CCSER1: variants seen among roughly 807,000 people sequenced by gnomAD.
CCSER1 encodes coiled-coil serine rich protein 1, also known as serine-rich coiled-coil domain-containing protein 1.
Under a neutral mutation model 82.0 loss-of-function variants are expected in CCSER1, and 41 were observed. The ratio of observed to expected loss-of-function variants is 0.50; its 90% CI spans 0.39 to 0.65. The LOEUF (loss-of-function observed/expected upper bound fraction) is 0.65, where lower values mean the gene tolerates loss of function less well. Among genes scored for constraint, CCSER1 ranks in the 30% least tolerant of loss-of-function variants. The pLI, the probability that CCSER1 is intolerant of heterozygous loss-of-function variation, is 0.00. For synonymous variants in CCSER1, 414 were observed against 383.9 expected, an observed-to-expected ratio of 1.08 and a Z score of -0.92; for missense variants, 1,119 against 1,064.2, an observed-to-expected ratio of 1.05 and a Z score of -0.72.
chr4:90,682,155 T>C (rs559104314), intron 6 of CCSER1, among the ~76,000 whole-genome samples: 18 of 152,084 alleles, frequency 1.2e-4, no homozygotes, highest in African/African-American at 4.3e-4. Flanking sequence ...AGGTAAATCA[T>C]CTTGGAGAGT....
chr4:90,786,203 A>C (rs954790411), intron 7 of CCSER1, among the ~76,000 whole-genome samples: 1 of 152,214 alleles, frequency 6.6e-6, no homozygotes, highest in Non-Finnish European at 1.5e-5. Context: ...TGGAAGCGCA[A>C]CTGAAGTGAT....
intron 5 of CCSER1, among the ~76,000 whole-genome samples, chr4:90,611,164 G>A (rs1371501944): frequency 7.1e-6 from 1 of 140,498 alleles, no homozygotes; most frequent in East Asian, 2.1e-4. Context: ...CTCCCAAATT[G>A]CTGGAATTAC....
At chr4:91,226,872 A>G (rs1419113377) in intron 10 of CCSER1, among the ~76,000 whole-genome samples, 1 of 151,856 alleles carries the variant, frequency 6.6e-6, no homozygotes. Flanking sequence ...TATCACTTCA[A>G]TAGTTACTAG....
At chr4:91,423,264 T>TAAAAAAAA (rs143322815) in intron 10 of CCSER1, among the ~76,000 whole-genome samples, 1 of 138,360 alleles carries the variant, frequency 7.2e-6, no homozygotes, top group African/African-American at 2.6e-5. Flanking sequence ...CGTCTCTACT[T>TAAAAAAAA]AAAAAAAAAA....
chr4:90,476,511 A>G (rs1765132633), intron 5 of CCSER1, among the ~76,000 whole-genome samples: 1 of 152,032 alleles, frequency 6.6e-6, no homozygotes, highest in African/African-American at 2.4e-5. Flanking sequence ...TATTACTGGT[A>G]CCTTGTGAAA....
intron 9 of CCSER1, among the ~76,000 whole-genome samples, chr4:90,935,955 G>A (rs1473265461): frequency 6.6e-6 from 1 of 151,718 alleles, no homozygotes; most frequent in Non-Finnish European, 1.5e-5. Flanking sequence ...CCTTATTTTT[G>A]TTTATCTCTT....
chr4:91,085,578 G>A (rs550916340), intron 9 of CCSER1, among the ~76,000 whole-genome samples: 6 of 152,170 alleles, frequency 3.9e-5, no homozygotes, highest in African/African-American at 9.6e-5. Context: ...TTGTTTGGGC[G>A]CTGAGATCTG....
intron 10 of CCSER1, among the ~76,000 whole-genome samples, chr4:91,495,100 C>T (rs1195716649): frequency 3.3e-5 from 5 of 151,222 alleles, no homozygotes; most frequent in Non-Finnish European, 7.4e-5. Context: ...TAATAATTTT[C>T]GAAGAAAAAA....
At chr4:90,947,884 G>C (rs572282253) in intron 9 of CCSER1, among the ~76,000 whole-genome samples, 1 of 152,154 alleles carries the variant, frequency 6.6e-6, no homozygotes, top group East Asian at 1.9e-4. Context: ...GAAAAAATAG[G>C]TATCATGTAA....
intron 7 of CCSER1, among the ~76,000 whole-genome samples, chr4:90,805,805 A>G (rs1757425163): frequency 2.0e-5 from 3 of 152,190 alleles, no homozygotes; most frequent in African/African-American, 4.8e-5. Context: ...ACAGGGTCAA[A>G]TTGGTTACAT....
At chr4:90,921,906 AC>A (rs1246933073) in intron 8 of CCSER1, among the ~76,000 whole-genome samples, 1 of 151,896 alleles carries the variant, frequency 6.6e-6, no homozygotes, top group Non-Finnish European at 1.5e-5. Flanking sequence ...ACCTATTACT[AC>A]CTCTCCCTGT....
At chr4:90,739,979 A>G (rs769102464) in intron 7 of CCSER1, among the ~76,000 whole-genome samples, 5 of 152,076 alleles carry the variant, frequency 3.3e-5, no homozygotes, top group Non-Finnish European at 5.9e-5. Flanking sequence ...TTTTGTGTGG[A>G]CAGTTGTTCA....
chr4:91,446,550 T>C (rs1169988925), intron 10 of CCSER1, among the ~76,000 whole-genome samples: 1 of 142,802 alleles, frequency 7.0e-6, no homozygotes, highest in Non-Finnish European at 1.5e-5. Context: ...ACATAACAAC[T>C]GATATTCTGC....
chr4:90,743,967 A>C (rs1459029577), intron 7 of CCSER1, among the ~76,000 whole-genome samples: 1 of 152,168 alleles, frequency 6.6e-6, no homozygotes, highest in Non-Finnish European at 1.5e-5. Context: ...TAAAAGTTTC[A>C]TTTCTCACCA....
intron 6 of CCSER1, among the ~76,000 whole-genome samples, chr4:90,687,951 A>G (rs1464261796): frequency 1.3e-5 from 2 of 152,128 alleles, no homozygotes; most frequent in Admixed American, 1.3e-4. Context: ...TCCTCATCCC[A>G]GTCACCTTTG....
chr4:91,269,354 G>A (rs1741851100), intron 10 of CCSER1, among the ~76,000 whole-genome samples: 1 of 152,032 alleles, frequency 6.6e-6, no homozygotes, highest in Non-Finnish European at 1.5e-5. Context: ...CAAATTTCGG[G>A]GAATCGCCAA....
rs1279200171 is a variant in CCSER1, at chr4:90,701,803, T to A, written c.1933-22111T>A. On this transcript the variant is annotated intron_variant, in intron 6 of 10. Coordinates refer to ENST00000509176, the MANE Select transcript of CCSER1 (RefSeq NM_001145065.2). ...TGTTATTGGTGTGTAAGAACGCTTA[T>A]GATTTTTGCACATTGATTTTGTATC... Among the ~76,000 whole-genome samples, 5 of 152,342 alleles carry A rather than the reference T, an allele frequency of 3.3e-5. No homozygotes were observed. In the East Asian group the frequency reaches 9.6e-4, roughly 29 times the overall value.
At chr4:91,340,009 C>T (rs1747604515) in intron 10 of CCSER1, among the ~76,000 whole-genome samples, 1 of 152,054 alleles carries the variant, frequency 6.6e-6, no homozygotes, top group Admixed American at 6.5e-5. Context: ...CCCAGCAATT[C>T]AGTAGGCTGA....
intron 8 of CCSER1, among the ~76,000 whole-genome samples, chr4:90,866,808 G>A (rs528762801): frequency 2.0e-5 from 3 of 152,114 alleles, no homozygotes; most frequent in African/African-American, 7.2e-5. Context: ...GGATGAAACT[G>A]TGCCACCTCA....
Sources: gnomAD v4.1 joint callset for allele counts (sites outside exome capture counted in the v4.1 genomes callset) on GRCh38, gnomAD v4.1.1 for gene constraint, MANE v1.5 for transcripts, NCBI Gene and HGNC (gene_info 2026-07-23, HGNC 2026-07-21) for gene names.